Variants in MYRIP observed in about 807,000 individuals in gnomAD.
MYRIP encodes the protein rab effector MyRIP.
Under a neutral mutation model 98.0 loss-of-function variants are expected in MYRIP, and 49 were observed. The ratio of observed to expected loss-of-function variants is 0.50; its 90% CI spans 0.40 to 0.63. The LOEUF (loss-of-function observed/expected upper bound fraction) is 0.63, where lower values mean the gene tolerates loss of function less well. Ranked by LOEUF, MYRIP falls within the 30% of genes least tolerant of loss-of-function variation. The pLI is 0.00. For synonymous variants in MYRIP, 404 were observed against 409.5 expected, an observed-to-expected ratio of 0.99 and a Z score of 0.16; for missense variants, 1,004 against 1,058.2, an observed-to-expected ratio of 0.95 and a Z score of 0.71.
chr3:40,245,650 C>CAAA (rs1230060850), intron 13 of MYRIP, among the ~76,000 whole-genome samples: 2 of 62,764 alleles, frequency 3.2e-5, no homozygotes, highest in Admixed American at 2.2e-4. Context: ...ACTCCATCTC[C>CAAA]AAAAAAAAAA....
At chr3:40,223,220 T>A (rs565320232) in intron 11 of MYRIP, among the ~76,000 whole-genome samples, 1 of 150,586 alleles carries the variant, frequency 6.6e-6, no homozygotes, top group African/African-American at 2.4e-5. Context: ...CTTTTAACTT[T>A]TCAAAAAGAG....
chr3:39,961,922 C>A (rs1945334024), intron 2 of MYRIP, among the ~76,000 whole-genome samples: 1 of 152,098 alleles, frequency 6.6e-6, no homozygotes, highest in African/African-American at 2.4e-5. Context: ...CATTAGGTGG[C>A]AGGTTACCTG....
intron 10 of MYRIP, among the ~76,000 whole-genome samples, chr3:40,195,028 A>G (rs1380122104): frequency 6.6e-6 from 1 of 152,112 alleles, no homozygotes; most frequent in Non-Finnish European, 1.5e-5. Context: ...ATGTATACTT[A>G]TTTCTCTTTC....
intron 3 of MYRIP, 87 bp downstream of exon 3, chr3:40,044,358 T>C (rs945824124): frequency 1.2e-5 from 16 of 1,312,450 alleles, no homozygotes; most frequent in Middle Eastern, 4.2e-4. Context: ...GAACCAGCTA[T>C]GATTGGTAGA....
intron 10 of MYRIP, among the ~76,000 whole-genome samples, chr3:40,192,307 TTCATATATATATATATATG>T (rs1338779564): frequency 0.02 from 175 of 8,760 alleles, 14 homozygotes; most frequent in Middle Eastern, 0.17. Flanking sequence ...GTTAGTTTTC[TTCATATATATATATATATG>T]TCATATATAT....
chr3:40,120,442 A>G (rs1032491470), intron 3 of MYRIP, among the ~76,000 whole-genome samples: 1 of 152,256 alleles, frequency 6.6e-6, no homozygotes, highest in Admixed American at 6.5e-5. Flanking sequence ...TGAAGATGTT[A>G]TCAGAGCAAA....
intron 8 of MYRIP, among the ~76,000 whole-genome samples, chr3:40,181,172 C>G (rs190163651): frequency 2.7e-5 from 4 of 150,712 alleles, no homozygotes; most frequent in African/African-American, 1.0e-4. Context: ...TAAGTTTCCA[C>G]GACTCTCAAG....
chr3:39,854,988 G>C (rs1229154542), intron 1 of MYRIP, among the ~76,000 whole-genome samples: 3 of 152,332 alleles, frequency 2.0e-5, no homozygotes, highest in Admixed American at 2.0e-4. Context: ...GGTGTGTGAT[G>C]TGATTCATCT....
chr3:40,136,886 G>A (rs1167878057), intron 3 of MYRIP, among the ~76,000 whole-genome samples: 3 of 152,228 alleles, frequency 2.0e-5, no homozygotes, highest in Non-Finnish European at 2.9e-5. Flanking sequence ...TCAAAGCAGT[G>A]TGTAGAGGGA....
At chr3:40,238,259 CT>C (rs776739934) in intron 12 of MYRIP, among the ~76,000 whole-genome samples, 85 of 152,344 alleles carry the variant, frequency 5.6e-4, no homozygotes, top group Non-Finnish European at 1.1e-3. Flanking sequence ...GAAGGGATGA[CT>C]TTTCTTCGTC....
intron 4 of MYRIP, among the ~76,000 whole-genome samples, chr3:40,160,305 C>T (rs943864013): frequency 5.3e-5 from 8 of 152,302 alleles, no homozygotes; most frequent in Middle Eastern, 3.4e-3. Context: ...TTAGGCTGCT[C>T]GGGGATCAGG....
At chr3:40,008,968 C>T (rs879549767) in intron 2 of MYRIP, among the ~76,000 whole-genome samples, 4 of 152,172 alleles carry the variant, frequency 2.6e-5, no homozygotes, top group Non-Finnish European at 4.4e-5. Context: ...TTCAAAGCTT[C>T]TCCTGCCTGC....
chr3:39,914,891 T>A (rs1575374735), intron 2 of MYRIP, among the ~76,000 whole-genome samples: 1 of 148,088 alleles, frequency 6.8e-6, no homozygotes. Context: ...ATAAAAAAAT[T>A]TATACAGTTC....
chr3:40,109,380 G>T (rs76963931), intron 3 of MYRIP, among the ~76,000 whole-genome samples: 1,616 of 152,300 alleles, frequency 0.011, 27 homozygotes, highest in African/African-American at 0.037. Context: ...TGCTAAGAAG[G>T]TGCCAGTTAA....
chr3:39,856,498 G>T (rs1942299373), intron 1 of MYRIP, among the ~76,000 whole-genome samples: 1 of 152,162 alleles, frequency 6.6e-6, no homozygotes, highest in African/African-American at 2.4e-5. Flanking sequence ...CCACCCACTG[G>T]AAAAGCACAA....
chr3:40,197,539 T>C (rs1951430135), intron 10 of MYRIP, among the ~76,000 whole-genome samples: 1 of 152,250 alleles, frequency 6.6e-6, no homozygotes, highest in Admixed American at 6.5e-5. Flanking sequence ...TGTAATTCTG[T>C]AAGTCTAGAC....
At position 40,252,542 on chromosome 3, in the gene MYRIP, CAAGCACTAA is replaced by C. The variant is rs1242082000; in HGVS notation, c.2547+546_2547+554del. ...TAAGGGAAAGATGAAAGAACTGTATCAAGCACTAAAAAGCAAAGACAAGCCCTTATACCT... is the reference window on the plus strand; with the variant it reads ...TAAGGGAAAGATGAAAGAACTGTATCAAAGCAAAGACAAGCCCTTATACCT... On this transcript the variant is annotated intron_variant, in intron 16 of 16. Coordinates refer to ENST00000302541, the MANE Select transcript of MYRIP (RefSeq NM_015460.4). 7.8e-4 allele frequency among the ~76,000 whole-genome samples: 119 copies of C among 152,280 alleles called. 1 individual carries two copies. In the East Asian group the frequency reaches 0.02, roughly 25 times the overall value.
At chr3:39,980,596 G>C (rs1359037401) in intron 2 of MYRIP, among the ~76,000 whole-genome samples, 2 of 152,180 alleles carry the variant, frequency 1.3e-5, no homozygotes, top group Non-Finnish European at 2.9e-5. Context: ...AGATCAGGGG[G>C]ATCTGGTGCC....
intron 3 of MYRIP, among the ~76,000 whole-genome samples, chr3:40,127,901 G>A (rs1248540298): frequency 6.6e-6 from 1 of 152,198 alleles, no homozygotes; most frequent in East Asian, 1.9e-4. Flanking sequence ...TGGCCTTGAG[G>A]TAGGAAGAAC....
Sources: gnomAD v4.1 joint callset for allele counts (sites outside exome capture counted in the v4.1 genomes callset) on GRCh38, gnomAD v4.1.1 for gene constraint, MANE v1.5 for transcripts, NCBI Gene and HGNC (gene_info 2026-07-23, HGNC 2026-07-21) for gene names.